FBXL20: variants seen among roughly 807,000 people sequenced by gnomAD.
The protein encoded by FBXL20 is F-box/LRR-repeat protein 20.
In FBXL20, 11 loss-of-function variants were observed where a neutral mutation model predicts 64.0. The observed-to-expected ratio is 0.17, with a 90% confidence interval of 0.11 to 0.28. FBXL20 has a LOEUF of 0.28. Among genes scored for constraint, FBXL20 ranks in the 10% least tolerant of loss-of-function variants. The pLI is 1.00. For missense variants in FBXL20, 303 were observed against 526.2 expected (o/e 0.58, Z 4.15); for synonymous variants, 184 against 189.0 (o/e 0.97, Z 0.22).
chr17:39,258,979 A>G lies in FBXL20; in HGVS notation c.*2481T>C, dbSNP rs924214393. The G allele has an allele frequency of 6.6e-6, 1 of 152,248 alleles. No homozygotes were observed. The highest frequency in any genetic ancestry group is 1.5e-5 in the Non-Finnish European group (1 of 68,058). The allele number at this position is 152,248 out of a possible 1,614,324, so 9.4% of individuals were successfully genotyped here. A position where few individuals can be genotyped will look rare whatever the true frequency, so the allele number is the denominator to read the frequency against. On this transcript the variant is annotated 3_prime_UTR_variant, in exon 15 of 15. Transcript: ENST00000264658. ...AAGAGAATAAGGGGAAAGGGGAATG[A>G]ATAAACAAGTAATCTGCGTTTTTAA...
chr17:39,396,240 T>G (rs1316934721), intron 1 of FBXL20, among the ~76,000 whole-genome samples: 1 of 151,988 alleles, frequency 6.6e-6, no homozygotes, highest in East Asian at 1.9e-4. Flanking sequence ...AAAGGTACCT[T>G]AGTGATTGAT....
In FBXL20 at chr17:39,255,533, A is replaced by G. The variant is rs1461519371; in HGVS notation, c.*5927T>C. The G allele has an allele frequency of 6.6e-6, 1 of 151,636 alleles. No homozygotes were observed. The highest frequency in any genetic ancestry group is 1.5e-5 in the Non-Finnish European group (1 of 67,954). 9.4% of individuals were successfully genotyped at this position (151,636 alleles called of 1,614,324 possible). On this transcript the variant is annotated 3_prime_UTR_variant, in exon 15 of 15. Transcript: ENST00000264658. ...AAGAAACTCACTTGCCTCTTATGGT[A>G]CTTTCAGGCAGGTAGAATGTTTATC...
At chr17:39,339,250 T>C (rs1327445911) in intron 2 of FBXL20, among the ~76,000 whole-genome samples, 3 of 150,624 alleles carry the variant, frequency 2.0e-5, no homozygotes, top group Admixed American at 2.0e-4. Flanking sequence ...ATAAGAAAAT[T>C]AGCCAGGCCA....
intron 2 of FBXL20, among the ~76,000 whole-genome samples, chr17:39,340,791 C>A (rs540147143): frequency 6.6e-6 from 1 of 152,012 alleles, no homozygotes; most frequent in African/African-American, 2.4e-5. Flanking sequence ...ATCTACTGTT[C>A]CAGTCATAAA....
At chr17:39,296,863 A>T (rs1246761727) in intron 6 of FBXL20, among the ~76,000 whole-genome samples, 1 of 152,182 alleles carries the variant, frequency 6.6e-6, no homozygotes, top group Non-Finnish European at 1.5e-5. Context: ...AAATAATCCC[A>T]GTAATATGTA....
chr17:39,334,665 T>A (rs2047503216), intron 2 of FBXL20, among the ~76,000 whole-genome samples: 1 of 151,984 alleles, frequency 6.6e-6, no homozygotes, highest in Admixed American at 6.6e-5. Context: ...TTTAAAAAAA[T>A]TTCATATTCT....
At chr17:39,353,807 G>C (rs1360393163) in intron 1 of FBXL20, among the ~76,000 whole-genome samples, 1 of 151,974 alleles carries the variant, frequency 6.6e-6, no homozygotes, top group African/African-American at 2.4e-5. Flanking sequence ...ATTTTTAGTA[G>C]AGATGGGGTT....
chr17:39,343,886 C>CA (rs2047606719), intron 1 of FBXL20, among the ~76,000 whole-genome samples: 1 of 151,818 alleles, frequency 6.6e-6, no homozygotes. Flanking sequence ...GTTTTTGAGA[C>CA]AGAGTCTCAC....
At chr17:39,274,434 G>A (rs142659810) in intron 10 of FBXL20, among the ~76,000 whole-genome samples, 322 of 152,204 alleles carry the variant, frequency 2.1e-3, no homozygotes, top group Middle Eastern at 0.01. Context: ...TGAGGTTTGA[G>A]GCCAGCCTGA....
intron 6 of FBXL20, among the ~76,000 whole-genome samples, chr17:39,289,998 C>CA (rs368530587): frequency 0.048 from 1,996 of 41,684 alleles, 314 homozygotes; most frequent in African/African-American, 0.07. Flanking sequence ...GACTCAGTCT[C>CA]AAAAAAAAAA....
intron 2 of FBXL20, among the ~76,000 whole-genome samples, chr17:39,337,883 C>G (rs2047543002): frequency 6.6e-6 from 1 of 151,022 alleles, no homozygotes; most frequent in African/African-American, 2.4e-5. Flanking sequence ...TCAGGCCCCG[C>G]CCGGCCAGCC....
chr17:39,401,429 G>C lies in FBXL20; in HGVS notation c.-27C>G. On this transcript the variant is annotated 5_prime_UTR_variant, in exon 1 of 15. Transcript: ENST00000264658. ...GGGCCGGCGGGTGCGGCCCGGGCCG[G>C]GCGCTGCGGCGAGCGGAGTGCACAG... 1.9e-6 allele frequency: 3 copies of C among 1,577,570 alleles called. No homozygotes were observed. The highest frequency in any genetic ancestry group is 2.6e-6 in the Non-Finnish European group (3 of 1,163,294).
chr17:39,401,771 A>C (rs964832069), upstream of FBXL20: 8 of 981,776 alleles, frequency 8.1e-6, no homozygotes, highest in African/African-American at 1.8e-5. Context: ...GCGCGAGACC[A>C]CCCCTCCCCC....
chr17:39,297,204 G>C lies in FBXL20; in HGVS notation c.330-9C>G. On this transcript the variant is annotated splice_polypyrimidine_tract_variant and intron_variant, in intron 5 of 14. Transcript: ENST00000264658. ...AGTTTTGTGCAAAGGTTCTTTGTAGGAAAGAAAGTAAGAGGTTTCAAATGA... is the reference window on the plus strand; with the variant it reads ...AGTTTTGTGCAAAGGTTCTTTGTAGCAAAGAAAGTAAGAGGTTTCAAATGA... 1 of 1,598,798 alleles carries C rather than the reference G, an allele frequency of 6.3e-7. No homozygotes were observed. Among genetic ancestry groups the C allele is most frequent in the East Asian group, 2.2e-5 (1 of 44,626 alleles).
intron 1 of FBXL20, among the ~76,000 whole-genome samples, chr17:39,398,459 G>C (rs2048208696): frequency 6.6e-6 from 1 of 152,094 alleles, no homozygotes; most frequent in Non-Finnish European, 1.5e-5. Flanking sequence ...TATCTGAATG[G>C]TAAGTTTTAA....
At chr17:39,355,577 C>G (rs1002770850) in intron 1 of FBXL20, among the ~76,000 whole-genome samples, 1 of 150,956 alleles carries the variant, frequency 6.6e-6, no homozygotes, top group African/African-American at 2.4e-5. Flanking sequence ...ACTCCTGGGC[C>G]GGGCGCGGTG....
intron 2 of FBXL20, among the ~76,000 whole-genome samples, chr17:39,319,686 A>C (rs947322942): frequency 6.6e-6 from 1 of 151,114 alleles, no homozygotes; most frequent in African/African-American, 2.4e-5. Context: ...AAAAAAAAAA[A>C]AAAAAAAAAA....
intron 5 of FBXL20, among the ~76,000 whole-genome samples, chr17:39,297,857 T>C (rs540991275): frequency 3.3e-5 from 5 of 151,486 alleles, no homozygotes; most frequent in Non-Finnish European, 7.4e-5. Flanking sequence ...TGCCTCAGCC[T>C]CCTGAGTAGC....
At chr17:39,265,327 GTTCTTGAACTGTAGCACTGGC>G in intron 13 of FBXL20, 49 bp downstream of exon 13, 1 of 1,238,936 alleles carries the variant, frequency 8.1e-7, no homozygotes, top group Non-Finnish European at 1.2e-6. Context: ...TAAGAGCTGG[GTTCTTGAACTGTAGCACTGGC>G]TTTTGATTAA....
Sources: gnomAD v4.1 joint callset for allele counts (sites outside exome capture counted in the v4.1 genomes callset) on GRCh38, gnomAD v4.1.1 for gene constraint, MANE v1.5 for transcripts, NCBI Gene and HGNC (gene_info 2026-07-23, HGNC 2026-07-21) for gene names.